The following CYP19A1 variants were observed in gnomAD, a reference collection of about 807,000 sequenced individuals.
CYP19A1 encodes aromatase.
Under a neutral mutation model 44.4 loss-of-function variants are expected in CYP19A1, and 32 were observed. The observed-to-expected ratio is 0.72, with a 90% CI of 0.54 to 0.97. The LOEUF is 0.97. CYP19A1 is among the 50% of genes least tolerant of loss of function. The probability of loss-of-function intolerance (pLI) is 0.00; values close to 1 mark genes in which losing one functional copy is unlikely to be tolerated. For synonymous variants in CYP19A1, 212 were observed against 215.6 expected (o/e 0.98, Z 0.14); for missense variants, 598 against 637.8 (o/e 0.94, Z 0.67).
chr15:51,331,364 G>A lies in CYP19A1; in HGVS notation c.-39+7131C>T, dbSNP rs1018352686. On this transcript the variant is annotated intron_variant, in intron 1 of 9. Coordinates refer to ENST00000396402, the MANE Select transcript of CYP19A1 (RefSeq NM_000103.4). Reference sequence around the variant, plus strand: ...GATAAGGCTGGCTACGAAAAGGAAAGAGGAGAGGTGAAGAAGATGAGTCAG... The same window carrying A: ...GATAAGGCTGGCTACGAAAAGGAAAAAGGAGAGGTGAAGAAGATGAGTCAG... 3.9e-5 allele frequency among the ~76,000 whole-genome samples: 6 copies of A among 152,200 alleles called. No homozygotes were observed. In the East Asian group the frequency reaches 1.2e-3, roughly 29 times the overall value.
chr15:51,253,989 TGAA>T (rs908418296), intron 1 of CYP19A1, among the ~76,000 whole-genome samples: 1 of 152,106 alleles, frequency 6.6e-6, no homozygotes, highest in Admixed American at 6.5e-5. Flanking sequence ...ATAACAAAAA[TGAA>T]GAGGCTAGAT....
At chr15:51,283,232 T>C (rs2035587381) in intron 1 of CYP19A1, among the ~76,000 whole-genome samples, 1 of 152,126 alleles carries the variant, frequency 6.6e-6, no homozygotes, top group South Asian at 2.1e-4. Flanking sequence ...CTGAAAGAAG[T>C]ATGTTTTACT....
intron 1 of CYP19A1, among the ~76,000 whole-genome samples, chr15:51,304,732 C>G (rs528315618): frequency 6.6e-6 from 1 of 152,228 alleles, no homozygotes; most frequent in Admixed American, 6.5e-5. Flanking sequence ...GACCATGTCT[C>G]TTTGTCTCTT....
intron 1 of CYP19A1, among the ~76,000 whole-genome samples, chr15:51,267,881 G>C (rs757609072): frequency 1.3e-5 from 2 of 152,190 alleles, no homozygotes; most frequent in Non-Finnish European, 1.5e-5. Flanking sequence ...GCAGGCGAGA[G>C]CACTGGAAGG....
intron 1 of CYP19A1, among the ~76,000 whole-genome samples, chr15:51,276,264 T>A (rs968674897): frequency 1.3e-5 from 2 of 152,212 alleles, no homozygotes; most frequent in African/African-American, 4.8e-5. Context: ...TCCATCTTCG[T>A]CAGATGGCTC....
chr15:51,264,222 T>C (rs1346683110), intron 1 of CYP19A1, among the ~76,000 whole-genome samples: 1 of 152,134 alleles, frequency 6.6e-6, no homozygotes, highest in Non-Finnish European at 1.5e-5. Flanking sequence ...GCACAGTTTC[T>C]GATGATGACA....
At chr15:51,284,107 G>C (rs2035620306) in intron 1 of CYP19A1, among the ~76,000 whole-genome samples, 1 of 152,126 alleles carries the variant, frequency 6.6e-6, no homozygotes, top group African/African-American at 2.4e-5. Flanking sequence ...TCTGTGGTCT[G>C]CCTCCCCAGG....
chr15:51,279,711 C>G (rs989184517), intron 1 of CYP19A1: 3 of 152,054 alleles, frequency 2.0e-5, no homozygotes, highest in Non-Finnish European at 4.4e-5. Context: ...GAAATGGAAG[C>G]AGAAAGGGCT....
chr15:51,301,156 G>A (rs1392454237), intron 1 of CYP19A1, among the ~76,000 whole-genome samples: 1 of 152,186 alleles, frequency 6.6e-6, no homozygotes, highest in African/African-American at 2.4e-5. Context: ...ACCTACTGGG[G>A]GCAGACAGAA....
At chr15:51,308,993 A>G (rs531531640) in intron 1 of CYP19A1, among the ~76,000 whole-genome samples, 1 of 152,322 alleles carries the variant, frequency 6.6e-6, no homozygotes, top group South Asian at 2.1e-4. Flanking sequence ...TCAATGCAGA[A>G]AGAGAAGGTA....
At chr15:51,286,491 C>G (rs572841997) in intron 1 of CYP19A1, among the ~76,000 whole-genome samples, 1 of 152,334 alleles carries the variant, frequency 6.6e-6, no homozygotes, top group South Asian at 2.1e-4. Flanking sequence ...ATGGTACCAT[C>G]AGCCAGTATG....
chr15:51,226,534 C>T (rs1007602975), intron 4 of CYP19A1, among the ~76,000 whole-genome samples: 6 of 152,186 alleles, frequency 3.9e-5, no homozygotes, highest in Non-Finnish European at 5.9e-5. Flanking sequence ...GGGCTCAACA[C>T]CCAGTGGGCA....
intron 1 of CYP19A1, among the ~76,000 whole-genome samples, chr15:51,308,981 C>A (rs190152575): frequency 6.6e-6 from 1 of 152,284 alleles, no homozygotes; most frequent in Admixed American, 6.5e-5. Flanking sequence ...TCTGGCATTA[C>A]ATCAATGCAG....
At chr15:51,314,286 T>A (rs1238889334) in intron 1 of CYP19A1, among the ~76,000 whole-genome samples, 1 of 152,046 alleles carries the variant, frequency 6.6e-6, no homozygotes. Context: ...ACATGGGGAC[T>A]AGACCACAGC....
At chr15:51,321,264 T>C (rs1303447430) in intron 1 of CYP19A1, among the ~76,000 whole-genome samples, 1 of 152,194 alleles carries the variant, frequency 6.6e-6, no homozygotes, top group Non-Finnish European at 1.5e-5. Flanking sequence ...TCATCACTGA[T>C]GGACCCTGTG....
intron 1 of CYP19A1, among the ~76,000 whole-genome samples, chr15:51,324,431 C>A (rs557187539): frequency 6.6e-6 from 1 of 152,212 alleles, no homozygotes; most frequent in East Asian, 1.9e-4. Context: ...TATAGGCTAC[C>A]AGAACATTGT....
rs773433365 is a variant in CYP19A1, at chr15:51,218,677, A to G, written c.629-22T>C. On this transcript the variant is annotated intron_variant, in intron 5 of 9. Transcript: ENST00000396402. ...CTTTCTGTAGGAAAAAAAAACACAC[A>G]TACACAAGAAAGAGCAGTTGAGCAA... is the stretch of plus-strand genomic sequence containing the variant. 5 of 1,600,790 alleles carry G rather than the reference A, an allele frequency of 3.1e-6. No homozygotes were observed. The African/African-American group carries it at 4.0e-5, about 13-fold the overall frequency.
chr15:51,326,137 T>C (rs1162252648), intron 1 of CYP19A1, among the ~76,000 whole-genome samples: 1 of 152,124 alleles, frequency 6.6e-6, no homozygotes, highest in African/African-American at 2.4e-5. Context: ...AAGTCAGAGG[T>C]GTCTATAATT....
chr15:51,240,009 C>T (rs2033650561), intron 2 of CYP19A1, among the ~76,000 whole-genome samples: 3 of 152,054 alleles, frequency 2.0e-5, no homozygotes, highest in Non-Finnish European at 2.9e-5. Context: ...TGACCCAGAT[C>T]AGTGGTCTGG....
Sources: allele counts gnomAD v4.1 joint callset (sites outside exome capture counted in the v4.1 genomes callset), GRCh38; gene constraint gnomAD v4.1.1; transcripts MANE v1.5; gene names NCBI Gene and HGNC (gene_info 2026-07-23, HGNC 2026-07-21).